Variants in ELAVL2 observed in about 807,000 individuals in gnomAD.
The protein encoded by ELAVL2 is ELAV-like protein 2.
In ELAVL2, 4 loss-of-function variants were observed where a neutral mutation model predicts 34.6. The observed-to-expected ratio is 0.12, with a 90% CI of 0.06 to 0.26. The LOEUF (loss-of-function observed/expected upper bound fraction) is 0.26, where lower values mean the gene tolerates loss of function less well. ELAVL2 is among the 10% of genes least tolerant of loss of function. The probability of loss-of-function intolerance (pLI) is 1.00; values close to 1 mark genes in which losing one functional copy is unlikely to be tolerated. For synonymous variants in ELAVL2, 193 were observed against 154.8 expected (o/e 1.25, Z -1.83); for missense variants, 432 against 442.8 (o/e 0.98, Z 0.22).
intron 1 of ELAVL2, among the ~76,000 whole-genome samples, chr9:23,802,855 A>G (rs1000819804): frequency 6.6e-6 from 1 of 152,208 alleles, no homozygotes; most frequent in African/African-American, 2.4e-5. Context: ...AAATATACAT[A>G]TTCCTCACTT....
At chr9:23,843,757 G>A in the ELAVL2 span, among the ~76,000 whole-genome samples, 1 of 151,900 alleles carries the variant, frequency 6.6e-6, no homozygotes. Flanking sequence ...GCCTTTCACA[G>A]TTTACAAGAT....
intron 5 of ELAVL2, among the ~76,000 whole-genome samples, chr9:23,700,199 T>G (rs572886445): frequency 6.6e-6 from 1 of 152,186 alleles, no homozygotes; most frequent in Non-Finnish European, 1.5e-5. Flanking sequence ...ATAAATAAAA[T>G]TGATATGCAC....
chr9:23,778,338 G>A (rs1484609294), intron 1 of ELAVL2, among the ~76,000 whole-genome samples: 2 of 152,144 alleles, frequency 1.3e-5, no homozygotes, highest in Non-Finnish European at 2.9e-5. Flanking sequence ...CTGAAAACAT[G>A]TTACGTGGTT....
chr9:23,773,911 T>C (rs2057742580), intron 1 of ELAVL2, among the ~76,000 whole-genome samples: 2 of 152,070 alleles, frequency 1.3e-5, no homozygotes, highest in South Asian at 2.1e-4. Flanking sequence ...AATGTTAGCA[T>C]AGAAAATTTG....
chr9:23,843,205 A>C, the ELAVL2 span, among the ~76,000 whole-genome samples: 2 of 152,126 alleles, frequency 1.3e-5, no homozygotes, highest in Admixed American at 1.3e-4. Flanking sequence ...CTCACAAGTA[A>C]AATGAGTTCA....
At position 23,825,887 on chromosome 9, in the gene ELAVL2, T is replaced by A. The variant is rs2065265661; in HGVS notation, c.-97A>T. ...CCAATAAGGATGAGCAAGAAGCTGC[T>A]GGATAGTTCTCTTAAGACAGCACGA... On this transcript the variant is annotated 5_prime_UTR_variant, in exon 1 of 7. Transcript: ENST00000397312. 6.6e-6 allele frequency: 1 copy of A among 152,134 alleles called. No homozygotes were observed. 9.4% of individuals were successfully genotyped at this position (152,134 alleles called of 1,614,324 possible).
rs369148921 is a variant in ELAVL2 at position 23,762,021 on chromosome 9, T to G, written c.214A>C (p.Arg72=). 3.1e-6 allele frequency: 5 copies of G among 1,612,328 alleles called. No homozygotes were observed. In the African/African-American group the frequency reaches 6.7e-5, roughly 22 times the overall value. Residue 72 remains arginine (R), a synonymous_variant, in exon 2 of 7, where the codon AGA becomes CGA. Transcript: ENST00000397312. ...IGEIESCKLV[R]DKITGQSLGY... is the part of the protein sequence containing the mutation. ...AACTGCTTACCTGTTATTTTGTCTCTTACAAGCTTACAGGACTCTATTTCA... is the reference window on the plus strand; with the variant it reads ...AACTGCTTACCTGTTATTTTGTCTCGTACAAGCTTACAGGACTCTATTTCA...
rs550450190 is a variant in ELAVL2, at chr9:23,742,691, T to TA, written c.230-11567dup. Among the ~76,000 whole-genome samples, 262 of 152,362 alleles carry TA rather than the reference T, an allele frequency of 1.7e-3. 3 individuals carry two copies. The highest frequency in any genetic ancestry group is 6.1e-3 in the African/African-American group (254 of 41,592). On this transcript the variant is annotated intron_variant, in intron 2 of 6. Transcript: ENST00000397312. ...AGCAGAATTAAATTAGAGGTATTTT[T>TA]AGCAAAGACAAAGGAAGTAAATTTC...
chr9:23,698,735 T>A (rs2036133966), intron 5 of ELAVL2, among the ~76,000 whole-genome samples: 1 of 152,140 alleles, frequency 6.6e-6, no homozygotes, highest in Admixed American at 6.5e-5. Context: ...AGTTTCTTTA[T>A]CAGGTGAAAG....
intron 1 of ELAVL2, among the ~76,000 whole-genome samples, chr9:23,813,284 G>A (rs2063260922): frequency 6.6e-6 from 1 of 152,004 alleles, no homozygotes; most frequent in African/African-American, 2.4e-5. Flanking sequence ...CATAGGAGAG[G>A]GCCTTGCTAA....
intron 1 of ELAVL2, among the ~76,000 whole-genome samples, chr9:23,797,977 TTCATGGG>T (rs2061159564): frequency 6.6e-6 from 1 of 152,052 alleles, no homozygotes; most frequent in African/African-American, 2.4e-5. Flanking sequence ...GGGATAAGAA[TTCATGGG>T]TCATGATCAA....
At chr9:23,805,997 C>CAACT (rs2062170426) in intron 1 of ELAVL2, among the ~76,000 whole-genome samples, 1 of 151,916 alleles carries the variant, frequency 6.6e-6, no homozygotes, top group Non-Finnish European at 1.5e-5. Flanking sequence ...TTAAACTCAC[C>CAACT]AACTAGACTG....
At chr9:23,728,888 C>A (rs1326864995) in intron 3 of ELAVL2, among the ~76,000 whole-genome samples, 1 of 152,054 alleles carries the variant, frequency 6.6e-6, no homozygotes. Flanking sequence ...TTTACAGGAA[C>A]CAAATAGGGG....
chr9:23,718,209 C>A (rs1416633935), intron 3 of ELAVL2, among the ~76,000 whole-genome samples: 1 of 152,088 alleles, frequency 6.6e-6, no homozygotes, highest in Non-Finnish European at 1.5e-5. Flanking sequence ...AAATTCCTAA[C>A]AAATAATCTT....
At chr9:23,696,305 C>T (rs1347188264) in intron 5 of ELAVL2, among the ~76,000 whole-genome samples, 1 of 152,024 alleles carries the variant, frequency 6.6e-6, no homozygotes, top group Non-Finnish European at 1.5e-5. Context: ...GCAACGGGTG[C>T]TCTACATGGG....
chr9:23,766,359 G>T (rs2056256272), intron 1 of ELAVL2, among the ~76,000 whole-genome samples: 1 of 152,114 alleles, frequency 6.6e-6, no homozygotes, highest in South Asian at 2.1e-4. Flanking sequence ...ACCCATGAAA[G>T]ATTTTTCATA....
At chr9:23,709,930 G>C (rs2040481748) in intron 3 of ELAVL2, among the ~76,000 whole-genome samples, 1 of 152,002 alleles carries the variant, frequency 6.6e-6, no homozygotes, top group Non-Finnish European at 1.5e-5. Flanking sequence ...TAAAACTCAG[G>C]TTTATTCTGG....
chr9:23,843,691 G>C, the ELAVL2 span, among the ~76,000 whole-genome samples: 1 of 151,856 alleles, frequency 6.6e-6, no homozygotes, highest in Non-Finnish European at 1.5e-5. Flanking sequence ...TTGTAGCCCA[G>C]ATCACAGGCA....
At chr9:23,770,571 T>G (rs545954346) in intron 1 of ELAVL2, among the ~76,000 whole-genome samples, 5 of 152,264 alleles carry the variant, frequency 3.3e-5, no homozygotes, top group Admixed American at 1.3e-4. Flanking sequence ...GTCAGGGTGA[T>G]GAAGCATGAG....
Sources: gnomAD v4.1 joint callset for allele counts (sites outside exome capture counted in the v4.1 genomes callset) on GRCh38, gnomAD v4.1.1 for gene constraint, MANE v1.5 for transcripts, NCBI Gene and HGNC (gene_info 2026-07-23, HGNC 2026-07-21) for gene names.